PALLD: variants seen among roughly 807,000 people sequenced by gnomAD.
PALLD encodes palladin.
A neutral mutation model predicts 123.5 loss-of-function variants in PALLD; 61 were observed. That is an observed-to-expected ratio of 0.49 (90% CI 0.40 to 0.61). The LOEUF is 0.61. Ranked by LOEUF, PALLD falls within the 20% of genes least tolerant of loss-of-function variation. PALLD has a pLI of 0.00. For synonymous variants in PALLD, 465 were observed against 496.4 expected (o/e 0.94, Z 0.84); for missense variants, 1,273 against 1,377.0 (o/e 0.92, Z 1.20).
chr4:168,882,947 G>A (rs1012349067), intron 10 of PALLD, among the ~76,000 whole-genome samples: 10 of 151,930 alleles, frequency 6.6e-5, no homozygotes, highest in East Asian at 5.8e-4. Context: ...AAAATTAGCC[G>A]GGCATGGTGG....
At chr4:168,637,683 C>G (rs557012160) in intron 2 of PALLD, among the ~76,000 whole-genome samples, 4 of 152,130 alleles carry the variant, frequency 2.6e-5, no homozygotes, top group Non-Finnish European at 5.9e-5. Flanking sequence ...GTGGCTCACA[C>G]CTGTAATCCT....
At chr4:168,823,349 G>C (rs1048235100) in intron 10 of PALLD, among the ~76,000 whole-genome samples, 1 of 152,068 alleles carries the variant, frequency 6.6e-6, no homozygotes, top group Non-Finnish European at 1.5e-5. Flanking sequence ...TATTTTTCCT[G>C]ATGTTGTCTC....
chr4:168,852,150 A>G (rs1560795478), intron 10 of PALLD, among the ~76,000 whole-genome samples: 1 of 152,182 alleles, frequency 6.6e-6, no homozygotes, highest in Non-Finnish European at 1.5e-5. Context: ...AGGTATATGG[A>G]CATGCAAGGC....
intron 10 of PALLD, among the ~76,000 whole-genome samples, chr4:168,855,671 T>C (rs1191736859): frequency 2.6e-5 from 4 of 152,194 alleles, no homozygotes; most frequent in African/African-American, 7.2e-5. Flanking sequence ...TAGAGTTCTA[T>C]ATAGTTCAGC....
chr4:168,719,252 C>CTTTTTTTTTT (rs869040811), intron 10 of PALLD, among the ~76,000 whole-genome samples: 1 of 85,698 alleles, frequency 1.2e-5, no homozygotes, highest in Non-Finnish European at 2.1e-5. Flanking sequence ...AAGTAATCTT[C>CTTTTTTTTTT]TTTTTTTTTT....
In PALLD at chr4:168,898,681, C is replaced by G; in HGVS notation, c.2439C>G (p.Phe813Leu). 1 of 1,613,898 alleles carries G rather than the reference C, an allele frequency of 6.2e-7. No individual in the cohort carries two copies. Among genetic ancestry groups the G allele is most frequent in the Non-Finnish European group, 8.5e-7 (1 of 1,179,776 alleles). ...TCTTTGAGGGAATGCCAGTAACTTT[C>G]ACATGTAGAGTGGCTGGAAATCCAA... ...YKIFEGMPVT[F>L]TCRVAGNPKP... The change falls in exon 14 of 22, where the codon TTC becomes TTG. Residue 813 changes from phenylalanine to leucine, a missense_variant. Phe to Leu is a conservative substitution (Grantham distance 22). Transcript: ENST00000505667.
intron 2 of PALLD, among the ~76,000 whole-genome samples, chr4:168,659,102 A>T (rs1778884136): frequency 6.6e-6 from 1 of 152,232 alleles, no homozygotes; most frequent in Admixed American, 6.5e-5. Flanking sequence ...ATACTCCATA[A>T]AAATTAATTA....
intron 12 of PALLD, among the ~76,000 whole-genome samples, chr4:168,895,203 G>GT (rs1677747661): frequency 6.6e-6 from 1 of 152,116 alleles, no homozygotes; most frequent in Non-Finnish European, 1.5e-5. Context: ...CCAACATGGT[G>GT]AAACCCCGTC....
intron 10 of PALLD, chr4:168,885,252 T>G (rs1156962795): frequency 1.3e-5 from 2 of 152,230 alleles, no homozygotes; most frequent in African/African-American, 4.8e-5. Flanking sequence ...ACCACATGGT[T>G]TGCTCCTTAA....
rs536630932 is a variant in PALLD, at chr4:168,653,952, G to A, written c.909-14238G>A. 1.3e-4 allele frequency among the ~76,000 whole-genome samples: 20 copies of A among 151,700 alleles called. No homozygotes were observed. The South Asian group carries it at 4.2e-3, about 32-fold the overall frequency. On this transcript the variant is annotated intron_variant, in intron 2 of 21. Coordinates refer to ENST00000505667, the MANE Select transcript of PALLD (RefSeq NM_001166108.2). Reference sequence around the variant, plus strand: ...CCTGACCTCATGATCCGCCCACCTCGACCTCCCAAAGTGCTGAGATTACAG... The same window carrying A: ...CCTGACCTCATGATCCGCCCACCTCAACCTCCCAAAGTGCTGAGATTACAG...
intron 10 of PALLD, among the ~76,000 whole-genome samples, chr4:168,773,758 T>A (rs894779338): frequency 4.6e-5 from 7 of 152,198 alleles, no homozygotes; most frequent in Admixed American, 6.5e-5. Context: ...CAATGGCATC[T>A]GCTGAGCCCC....
rs542724379 is a variant in PALLD, at chr4:168,521,531, T to C, written c.908+9119T>C. On this transcript the variant is annotated intron_variant, in intron 2 of 21. Coordinates refer to ENST00000505667, the MANE Select transcript of PALLD (RefSeq NM_001166108.2). ...AATGTATTATTTTAAAAGTTACTTATTATTTTAAAGTGTTTACTTTTATAG... is the reference window on the plus strand; with the variant it reads ...AATGTATTATTTTAAAAGTTACTTACTATTTTAAAGTGTTTACTTTTATAG... Among the ~76,000 whole-genome samples, 118 of 152,354 alleles carry C rather than the reference T, an allele frequency of 7.7e-4. 2 individuals carry two copies. In the South Asian group the frequency reaches 0.024, roughly 31 times the overall value.
chr4:168,815,826 G>A (rs1741817899), intron 10 of PALLD, among the ~76,000 whole-genome samples: 1 of 152,216 alleles, frequency 6.6e-6, no homozygotes, highest in African/African-American at 2.4e-5. Context: ...ACTTGCCTCT[G>A]AAAACGAGCT....
chr4:168,908,037 G>T (rs1210064179), intron 15 of PALLD, among the ~76,000 whole-genome samples: 1 of 152,196 alleles, frequency 6.6e-6, no homozygotes, highest in East Asian at 1.9e-4. Flanking sequence ...CTAGGCCTCA[G>T]TGTGTAAATG....
intron 2 of PALLD, among the ~76,000 whole-genome samples, chr4:168,630,798 T>A (rs1034399908): frequency 1.2e-4 from 19 of 152,194 alleles, no homozygotes; most frequent in African/African-American, 4.6e-4. Flanking sequence ...AAATAATCTT[T>A]AAAAATGTGT....
chr4:168,541,933 A>G (rs1765655482), intron 2 of PALLD, among the ~76,000 whole-genome samples: 1 of 152,214 alleles, frequency 6.6e-6, no homozygotes, highest in East Asian at 1.9e-4. Context: ...GAGTGAACAA[A>G]AGAGACAAAA....
At chr4:168,618,016 C>A (rs576325430) in intron 2 of PALLD, among the ~76,000 whole-genome samples, 1 of 152,070 alleles carries the variant, frequency 6.6e-6, no homozygotes, top group Admixed American at 6.5e-5. Context: ...GCAAAGAAAT[C>A]ATCAGTAAAG....
At chr4:168,551,617 C>T (rs1766732199) in intron 2 of PALLD, among the ~76,000 whole-genome samples, 4 of 151,742 alleles carry the variant, frequency 2.6e-5, no homozygotes, top group African/African-American at 9.7e-5. Context: ...CTTTCAAAGG[C>T]CCTTGACAAT....
At chr4:168,908,577 T>C (rs141338791) in intron 15 of PALLD, among the ~76,000 whole-genome samples, 541 of 152,270 alleles carry the variant, frequency 3.6e-3, no homozygotes, top group Non-Finnish European at 6.0e-3. Flanking sequence ...AAAACTGAAG[T>C]TGACTCCTTA....
Sources: allele counts gnomAD v4.1 joint callset (sites outside exome capture counted in the v4.1 genomes callset), GRCh38; gene constraint gnomAD v4.1.1; transcripts MANE v1.5; gene names NCBI Gene and HGNC (gene_info 2026-07-23, HGNC 2026-07-21).